Variants in CFAP221 observed in about 807,000 individuals in gnomAD.
CFAP221 encodes cilia- and flagella-associated protein 221.
CFAP221 carries 97 observed loss-of-function variants against 113.1 expected under a neutral mutation model. That is an observed-to-expected ratio of 0.86 (90% CI 0.73 to 1.02). CFAP221 has a LOEUF of 1.02. Ranked by LOEUF, CFAP221 falls within the 50% of genes least tolerant of loss-of-function variation. The pLI is 0.00. For synonymous variants in CFAP221, 331 were observed against 354.4 expected (o/e 0.93, Z 0.74); for missense variants, 1,025 against 1,013.4 (o/e 1.01, Z -0.16).
In CFAP221 at chr2:119,569,750, A is replaced by T. The variant is rs1435066315; in HGVS notation, c.527+7636A>T. 2.0e-5 allele frequency among the ~76,000 whole-genome samples: 3 copies of T among 152,060 alleles called. No homozygotes were observed. The East Asian group carries it at 5.8e-4, about 29-fold the overall frequency. On this transcript the variant is annotated intron_variant, in intron 6 of 23. Transcript: ENST00000413369. ...TCTATTGATATATCCTCAAGCTCAG[A>T]GATTCTCTCCTTAGCTGTGTCCAAC...
intron 2 of CFAP221, among the ~76,000 whole-genome samples, chr2:119,548,212 T>C (rs1680184069): frequency 6.6e-6 from 1 of 152,092 alleles, no homozygotes; most frequent in African/African-American, 2.4e-5. Context: ...GATCCTCCTG[T>C]CTCAGCCTCC....
chr2:119,644,789 C>T (rs1687696025), intron 21 of CFAP221, among the ~76,000 whole-genome samples: 4 of 152,182 alleles, frequency 2.6e-5, no homozygotes, highest in African/African-American at 9.7e-5. Flanking sequence ...CACACCAATG[C>T]CTACAGTTCC....
At chr2:119,553,939 G>A (rs754872552) in intron 3 of CFAP221, among the ~76,000 whole-genome samples, 11 of 152,062 alleles carry the variant, frequency 7.2e-5, no homozygotes, top group Admixed American at 3.9e-4. Flanking sequence ...GAGTGGCAGA[G>A]GCTCATTAAT....
At chr2:119,624,620 C>T (rs1352039212) in intron 14 of CFAP221, among the ~76,000 whole-genome samples, 1 of 152,162 alleles carries the variant, frequency 6.6e-6, no homozygotes, top group Non-Finnish European at 1.5e-5. Flanking sequence ...GGAACCAACC[C>T]AAATGCCCAT....
At chr2:119,646,278 G>A (rs1687797574) in intron 21 of CFAP221, among the ~76,000 whole-genome samples, 1 of 152,160 alleles carries the variant, frequency 6.6e-6, no homozygotes, top group African/African-American at 2.4e-5. Context: ...CTGAAACTGA[G>A]TAATTTATAA....
intron 7 of CFAP221, among the ~76,000 whole-genome samples, chr2:119,599,740 T>C (rs1684237404): frequency 6.6e-6 from 1 of 152,182 alleles, no homozygotes; most frequent in Non-Finnish European, 1.5e-5. Context: ...GGTATTCATG[T>C]CTTGACTTTG....
intron 6 of CFAP221, among the ~76,000 whole-genome samples, chr2:119,576,163 G>A (rs764430298): frequency 6.6e-6 from 1 of 152,100 alleles, no homozygotes; most frequent in African/African-American, 2.4e-5. Context: ...TTAAACTAAA[G>A]TTTTATTTGG....
intron 7 of CFAP221, among the ~76,000 whole-genome samples, chr2:119,591,036 T>C (rs1443970168): frequency 1.3e-5 from 2 of 152,082 alleles, no homozygotes; most frequent in Non-Finnish European, 2.9e-5. Context: ...CTTACAGAAA[T>C]GAAAACATGC....
At chr2:119,565,836 C>T (rs1375520663) in intron 6 of CFAP221, among the ~76,000 whole-genome samples, 1 of 152,200 alleles carries the variant, frequency 6.6e-6, no homozygotes, top group Non-Finnish European at 1.5e-5. Flanking sequence ...CAGGGGGTGA[C>T]TACTAGAACA....
intron 19 of CFAP221, among the ~76,000 whole-genome samples, chr2:119,632,062 T>G (rs1186869339): frequency 6.6e-6 from 1 of 152,142 alleles, no homozygotes; most frequent in African/African-American, 2.4e-5. Flanking sequence ...AGGCCTTCAC[T>G]AGGGAATTCT....
chr2:119,604,486 G>A (rs905684552), intron 8 of CFAP221, among the ~76,000 whole-genome samples, 186 bp from the exon 9 acceptor site: 2 of 151,982 alleles, frequency 1.3e-5, no homozygotes, highest in Admixed American at 1.3e-4. Flanking sequence ...TTTTGATATC[G>A]CTGATTATAC....
chr2:119,555,206 A>G (rs1012344638), intron 3 of CFAP221, among the ~76,000 whole-genome samples: 2 of 152,168 alleles, frequency 1.3e-5, no homozygotes, highest in African/African-American at 4.8e-5. Flanking sequence ...GAAAAACTCT[A>G]GAAGGGGCTG....
intron 3 of CFAP221, among the ~76,000 whole-genome samples, chr2:119,553,462 G>A (rs985954246): frequency 2.0e-5 from 3 of 152,138 alleles, no homozygotes; most frequent in African/African-American, 7.2e-5. Context: ...TTTTGAGCAG[G>A]GTTATGATGC....
chr2:119,609,819 T>C (rs996588607), intron 12 of CFAP221, among the ~76,000 whole-genome samples: 4 of 152,190 alleles, frequency 2.6e-5, no homozygotes, highest in African/African-American at 9.7e-5. Context: ...ACATTTCTTG[T>C]CAGATATGAA....
chr2:119,605,346 A>G (rs1199526553), intron 11 of CFAP221, 57 bp downstream of exon 11: 3 of 1,333,332 alleles, frequency 2.3e-6, no homozygotes, highest in Non-Finnish European at 3.2e-6. Context: ...TTAGGTGATG[A>G]TCTTTTATAA....
In CFAP221 at chr2:119,604,540, G is replaced by A. The variant is rs1021618818; in HGVS notation, c.792-132G>A. On this transcript the variant is annotated intron_variant, in intron 8 of 23. Transcript: ENST00000413369. ...CATTTATTTTAGTAGACCACTGTTG[G>A]GGCACACATTTATTTTCAGTTTAGG... 4 of 791,376 alleles carry A rather than the reference G, an allele frequency of 5.1e-6. No individual in the cohort carries two copies. In the African/African-American group the frequency reaches 7.3e-5, roughly 14 times the overall value. 49.0% of individuals were successfully genotyped at this position (791,376 alleles called of 1,614,324 possible).
chr2:119,580,308 CACTGT>C (rs1290229797), intron 6 of CFAP221: 1 of 152,196 alleles, frequency 6.6e-6, no homozygotes, highest in African/African-American at 2.4e-5. Flanking sequence ...GAAGACCATA[CACTGT>C]ACGGTGACCC....
At chr2:119,643,143 G>A (rs529422049) in intron 21 of CFAP221, among the ~76,000 whole-genome samples, 52 of 152,270 alleles carry the variant, frequency 3.4e-4, no homozygotes, top group Admixed American at 3.1e-3. Flanking sequence ...TCAGTCCATA[G>A]CAACTTCCTA....
In CFAP221 at chr2:119,630,837, T is replaced by G. The variant is rs567696052; in HGVS notation, c.1910T>G (p.Val637Gly). 245 of 1,613,858 alleles carry G rather than the reference T, an allele frequency of 1.5e-4. 2 individuals carry two copies. The South Asian group carries it at 1.9e-3, about 13-fold the overall frequency. ...STTQLSGKTS[V>G]LSMKPPEALA... is the part of the protein sequence containing the mutation. ...ACTCAGCTCTCTGGCAAAACATCAG[T>G]CTTGAGCATGAAACCACCTGAGGCC... The change falls in exon 19 of 24, where the codon GTC becomes GGC. Residue 637 changes from valine to glycine, a missense_variant. Transcript: ENST00000413369.
Sources: gnomAD v4.1 joint callset for allele counts (sites outside exome capture counted in the v4.1 genomes callset) on GRCh38, gnomAD v4.1.1 for gene constraint, MANE v1.5 for transcripts, NCBI Gene and HGNC (gene_info 2026-07-23, HGNC 2026-07-21) for gene names.